Variants in TRIM6 observed in about 807,000 individuals in gnomAD.
The protein encoded by TRIM6 is tripartite motif containing 6, also known as tripartite motif-containing protein 6.
Under a neutral mutation model 51.2 loss-of-function variants are expected in TRIM6, and 43 were observed. The observed-to-expected ratio is 0.84, with a 90% confidence interval of 0.66 to 1.08. The LOEUF is 1.08. Ranked by LOEUF, TRIM6 falls within the 50% of genes least tolerant of loss-of-function variation. The pLI is 0.00. For synonymous variants in TRIM6, 215 were observed against 232.4 expected (o/e 0.93, Z 0.68); for missense variants, 669 against 619.0 (o/e 1.08, Z -0.86).
intron 6 of TRIM6, 40 bp downstream of exon 6, chr11:5,610,285 C>G (rs749900189): frequency 6.2e-7 from 1 of 1,613,012 alleles, no homozygotes; most frequent in South Asian, 1.1e-5. Context: ...TGTGAAATTA[C>G]TGTCGTGGGA....
intron 2 of TRIM6, 114 bp downstream of exon 2, chr11:5,603,849 C>T: frequency 6.9e-7 from 1 of 1,459,594 alleles, no homozygotes; most frequent in Non-Finnish European, 9.1e-7. Context: ...AGAGAATGAA[C>T]CTGGAAACTG....
chr11:5,598,229 G>A (rs1196172329), intron 1 of TRIM6, among the ~76,000 whole-genome samples: 1 of 152,198 alleles, frequency 6.6e-6, no homozygotes. Flanking sequence ...CCCTTGGGCT[G>A]CACTTAGCTG....
At chr11:5,606,027 C>A (rs1479147857) in intron 4 of TRIM6, among the ~76,000 whole-genome samples, 1 of 152,154 alleles carries the variant, frequency 6.6e-6, no homozygotes, top group Non-Finnish European at 1.5e-5. Context: ...CACGATAGCC[C>A]CAGGGTGAAC....
chr11:5,599,383 A>ATATTTATTTATTTATTTATTTATT (rs60859015), intron 1 of TRIM6, among the ~76,000 whole-genome samples: 18 of 146,936 alleles, frequency 1.2e-4, no homozygotes, highest in South Asian at 2.2e-4. Context: ...TACAATTATT[A>ATATTTATTTATTTATTTATTTATT]TATTTATTTA....
intron 1 of TRIM6, among the ~76,000 whole-genome samples, chr11:5,601,694 G>T (rs779263284): frequency 1.3e-5 from 2 of 152,082 alleles, no homozygotes; most frequent in Admixed American, 6.5e-5. Flanking sequence ...GGAGGCAGAG[G>T]TTGCAGTGAG....
At chr11:5,605,227 T>C (rs1257578806) in intron 3 of TRIM6, 110 bp from the exon 4 acceptor site, 8 of 1,438,206 alleles carry the variant, frequency 5.6e-6, no homozygotes, top group Non-Finnish European at 7.8e-6. Flanking sequence ...TCCCTCTCCC[T>C]GGGAGGCTTG....
In TRIM6 at chr11:5,603,098, C is replaced by T; in HGVS notation, c.18-148C>T. On this transcript the variant is annotated intron_variant, in intron 1 of 7. Transcript: ENST00000380097. ...GGGAGAAATTGGTGCCTTGTATGAG[C>T]CGGGATAAAGAACGTATTGGATATG... The T allele has an allele frequency of 2.9e-6, 4 of 1,356,518 alleles. No individual in the cohort carries two copies. In the South Asian group the frequency reaches 6.4e-5, roughly 22 times the overall value. 84.0% of individuals were successfully genotyped at this position (1,356,518 alleles called of 1,614,324 possible).
rs1328267924 is a variant in TRIM6, at chr11:5,605,526, C to G, written c.793C>G (p.Leu265Val). Residue 265 changes from leucine (L) to valine (V), a missense_variant, in exon 4 of 8, where the codon CTG (leucine) becomes GTG (valine). Leu to Val is a conservative substitution (Grantham distance 32). Transcript: ENST00000380097. ...GTCGCTGCGAGAGCTCATCTCGGAT[C>G]TGGAGCGTCGATGTCAGGGGTCAAC... ...TQSLRELISD[L>V]ERRCQGSTME... 2 of 1,613,946 alleles carry G rather than the reference C, an allele frequency of 1.2e-6. No individual in the cohort carries two copies. Among genetic ancestry groups the G allele is most frequent in the African/African-American group, 2.7e-5 (2 of 74,914 alleles).
At position 5,604,570 on chromosome 11, in the gene TRIM6, G is replaced by T; in HGVS notation, c.544G>T (p.Glu182Ter). The part of the protein sequence containing the change: ...FQESLKKLKN[E>*]EQEAEKLTAF... Reference sequence around the variant, plus strand: ...GGAGTCTCTAAAGAAGCTGAAGAACGAGGAGCAGGAAGCTGAGAAGCTAAC... The same window carrying T: ...GGAGTCTCTAAAGAAGCTGAAGAACTAGGAGCAGGAAGCTGAGAAGCTAAC... Residue 182 changes from glutamate (E) to a stop codon, truncating the protein, a stop_gained, in exon 3 of 8, where the codon GAG becomes TAG. Transcript: ENST00000380097. LOFTEE classifies it high-confidence loss of function. 6.2e-7 allele frequency: 1 copy of T among 1,613,218 alleles called. No individual in the cohort carries two copies.
rs764774349 is a variant in TRIM6 at position 5,596,926 on chromosome 11, G to A, written c.17+12G>A. On this transcript the variant is annotated intron_variant, in intron 1 of 7. Coordinates refer to ENST00000380097, the MANE Select transcript of TRIM6 (RefSeq NM_001003818.3). Reference sequence around the variant, plus strand: ...TGCGGGTCAGAGAGGTATGTCTACCGTTCTGTTGACTGGCTCTTATTGTCA... The same window carrying A: ...TGCGGGTCAGAGAGGTATGTCTACCATTCTGTTGACTGGCTCTTATTGTCA... 5 of 1,614,042 alleles carry A rather than the reference G, an allele frequency of 3.1e-6. No individual in the cohort carries two copies. Among genetic ancestry groups the A allele is most frequent in the Non-Finnish European group, 3.4e-6 (4 of 1,179,968 alleles).
chr11:5,596,522 C>A (rs1347660613), upstream of TRIM6: 2 of 29,220 alleles, frequency 6.8e-5, no homozygotes, highest in African/African-American at 2.1e-4. Context: ...TTCTCCCCTT[C>A]CCCCCTTCCC....
At chr11:5,601,495 C>T (rs1269726033) in intron 1 of TRIM6, among the ~76,000 whole-genome samples, 1 of 152,052 alleles carries the variant, frequency 6.6e-6, no homozygotes, top group Non-Finnish European at 1.5e-5. Context: ...CAGTGGCTCA[C>T]GCTTGTAATC....
At chr11:5,606,743 G>A (rs1035896519) in intron 4 of TRIM6, among the ~76,000 whole-genome samples, 8 of 151,982 alleles carry the variant, frequency 5.3e-5, no homozygotes, top group East Asian at 1.9e-4. Flanking sequence ...CAAATGAATC[G>A]TCAATTCATA....
chr11:5,604,123 T>C (rs1228457411), intron 2 of TRIM6, among the ~76,000 whole-genome samples: 1 of 152,134 alleles, frequency 6.6e-6, no homozygotes, highest in Non-Finnish European at 1.5e-5. Flanking sequence ...GCCTCCCAAG[T>C]AGCTAGGACT....
Position 5,604,532 on chromosome 11 carries a change from A to C in TRIM6, c.508-2A>C, listed in dbSNP as rs1390744760. The C allele has an allele frequency of 6.2e-7, 1 of 1,609,108 alleles. No individual in the cohort carries two copies. The highest frequency in any genetic ancestry group is 8.5e-7 in the Non-Finnish European group (1 of 1,177,902). The stretch of plus-strand genomic sequence containing the variant: ...TGCTTGACCTGATTTGTTTTCTTCA[A>C]GGAGAAGTTTCAGGAGTCTCTAAAG... On this transcript the variant is annotated splice_acceptor_variant, in intron 2 of 7. Coordinates refer to ENST00000380097, the MANE Select transcript of TRIM6 (RefSeq NM_001003818.3). LOFTEE classifies it high-confidence loss of function.
chr11:5,608,695 A>C (rs981130644), intron 5 of TRIM6, among the ~76,000 whole-genome samples: 1 of 151,870 alleles, frequency 6.6e-6, no homozygotes, highest in Non-Finnish European at 1.5e-5. Flanking sequence ...TGCCTCAAAC[A>C]AACAAAAAAA....
At chr11:5,596,513 TCTCCCCTTC>T (rs1847458065), upstream of TRIM6, 3 of 31,644 alleles carry the variant, frequency 9.5e-5, no homozygotes, top group South Asian at 1.4e-3. Context: ...CTTCCCCCGT[TCTCCCCTTC>T]CCCCCTTCCC....
rs370630648 is a variant in TRIM6, at chr11:5,608,847, A to ATTTTT, written c.857+470_857+474dup. 2.7e-3 allele frequency among the ~76,000 whole-genome samples: 273 copies of ATTTTT among 101,874 alleles called. 18 individuals carry two copies. Among genetic ancestry groups the ATTTTT allele is most frequent in the African/African-American group, 6.2e-3 (146 of 23,368 alleles). The allele number at this position is 101,874 out of a possible 152,430, so 66.8% of individuals were successfully genotyped here. A position where few individuals can be genotyped will look rare whatever the true frequency, so the allele number is the denominator to read the frequency against. ...ACACAGGAATTTTCTTTGCCCATAA[A>ATTTTT]TTTTTTTTTTTTTTTTTTTTTGAGA... On this transcript the variant is annotated intron_variant, in intron 5 of 7. Transcript: ENST00000380097.
intron 5 of TRIM6, 102 bp downstream of exon 5, chr11:5,608,496 C>T (rs1334906240): frequency 3.9e-6 from 6 of 1,553,500 alleles, no homozygotes; most frequent in South Asian, 3.6e-5. Context: ...GGGGAAGATT[C>T]AAGAGAGTAG....
Sources: allele counts gnomAD v4.1 joint callset (sites outside exome capture counted in the v4.1 genomes callset), GRCh38; gene constraint gnomAD v4.1.1; transcripts MANE v1.5; gene names NCBI Gene and HGNC (gene_info 2026-07-23, HGNC 2026-07-21).